Variants in DRAM1 observed in about 807,000 individuals in gnomAD.
The protein encoded by DRAM1 is DNA damage regulated autophagy modulator 1.
In DRAM1, 25 loss-of-function variants were observed where a neutral mutation model predicts 28.5. That is an observed-to-expected ratio of 0.88 (90% CI 0.64 to 1.23). DRAM1 has a LOEUF of 1.23. DRAM1 is among the 50% of genes most tolerant of loss of function. The pLI is 0.00. For missense variants in DRAM1, 249 were observed against 299.2 expected (o/e 0.83, Z 1.24); for synonymous variants, 113 against 114.2 (o/e 0.99, Z 0.07).
At chr12:101,907,988 C>T (rs373229431) in intron 3 of DRAM1, among the ~76,000 whole-genome samples, 198 bp from the exon 4 acceptor site, 3 of 152,090 alleles carry the variant, frequency 2.0e-5, no homozygotes, top group Admixed American at 6.5e-5. Context: ...AGCCCAGGTT[C>T]GCTGTGGAAC....
At chr12:101,896,638 A>C (rs1873384996) in intron 1 of DRAM1, among the ~76,000 whole-genome samples, 1 of 152,182 alleles carries the variant, frequency 6.6e-6, no homozygotes, top group African/African-American at 2.4e-5. Context: ...AGTATTTTCC[A>C]ACTCATTTAA....
chr12:101,902,983 C>T lies in DRAM1; in HGVS notation c.342+1550C>T, dbSNP rs185440591. 4.4e-4 allele frequency among the ~76,000 whole-genome samples: 66 copies of T among 151,640 alleles called. No homozygotes were observed. The South Asian group carries it at 6.0e-3, about 14-fold the overall frequency. On this transcript the variant is annotated intron_variant, in intron 3 of 6. Transcript: ENST00000258534. The stretch of plus-strand genomic sequence containing the variant: ...TCGCCCAGGCTAGAGTGTAGTGGCG[C>T]GATCTCGGTTCACTGCAACCTCCGC...
intron 1 of DRAM1, among the ~76,000 whole-genome samples, chr12:101,897,083 G>A (rs930525947): frequency 1.3e-5 from 2 of 151,870 alleles, no homozygotes; most frequent in African/African-American, 4.8e-5. Flanking sequence ...CACCGTGACC[G>A]GCCTCAGATT....
chr12:101,879,211 T>C (rs1872605602), intron 1 of DRAM1, among the ~76,000 whole-genome samples: 2 of 152,152 alleles, frequency 1.3e-5, no homozygotes, highest in African/African-American at 4.8e-5. Flanking sequence ...TTGGTCAGGC[T>C]GGTCTCAAAT....
Position 101,923,558 on chromosome 12 carries a change from G to T in DRAM1, c.*2298G>T, listed in dbSNP as rs1487861794. ...AGGATGTTTGTAGTGCTATAATATAGAATGGGATTTACTCTGCTTTACCAG... is the reference window on the plus strand; with the variant it reads ...AGGATGTTTGTAGTGCTATAATATATAATGGGATTTACTCTGCTTTACCAG... On this transcript the variant is annotated 3_prime_UTR_variant, in exon 7 of 7. Coordinates refer to ENST00000258534, the MANE Select transcript of DRAM1 (RefSeq NM_018370.3). 1 of 152,210 alleles carries T rather than the reference G, an allele frequency of 6.6e-6. No individual in the cohort carries two copies. The highest frequency in any genetic ancestry group is 1.5e-5 in the Non-Finnish European group (1 of 68,042). The allele number at this position is 152,210 out of a possible 1,614,324, so 9.4% of individuals were successfully genotyped here. A position where few individuals can be genotyped will look rare whatever the true frequency, so the allele number is the denominator to read the frequency against.
intron 1 of DRAM1, among the ~76,000 whole-genome samples, chr12:101,883,923 G>T (rs1872781064): frequency 1.4e-5 from 2 of 140,142 alleles, no homozygotes; most frequent in African/African-American, 3.0e-5. Flanking sequence ...GATAGAGCGA[G>T]ACTCTTTCTC....
At chr12:101,887,727 G>A (rs1030270146) in intron 1 of DRAM1, among the ~76,000 whole-genome samples, 5 of 151,646 alleles carry the variant, frequency 3.3e-5, no homozygotes, top group Non-Finnish European at 5.9e-5. Flanking sequence ...TAGTAGAGAC[G>A]GGGGTTTCAC....
intron 3 of DRAM1, among the ~76,000 whole-genome samples, chr12:101,902,587 C>T (rs994467667): frequency 6.6e-6 from 1 of 152,194 alleles, no homozygotes; most frequent in Non-Finnish European, 1.5e-5. Context: ...ACTTTATCCT[C>T]TGACTAACCA....
intron 1 of DRAM1, among the ~76,000 whole-genome samples, chr12:101,893,655 G>T (rs1173401544): frequency 2.0e-5 from 3 of 152,098 alleles, no homozygotes; most frequent in Admixed American, 1.3e-4. Context: ...GTAAAATGGG[G>T]TTGATATAGA....
intron 1 of DRAM1, among the ~76,000 whole-genome samples, chr12:101,893,884 C>G (rs1477193707): frequency 6.6e-6 from 1 of 150,958 alleles, no homozygotes; most frequent in South Asian, 2.1e-4. Context: ...ATCTTAGTCC[C>G]AAATATTCTG....
At chr12:101,915,119 A>G (rs929059975) in intron 5 of DRAM1, among the ~76,000 whole-genome samples, 11 of 151,940 alleles carry the variant, frequency 7.2e-5, no homozygotes, top group South Asian at 2.1e-4. Context: ...AGCTGGGACT[A>G]TAGGCGCCTG....
chr12:101,918,548 C>G (rs190518927), intron 5 of DRAM1, among the ~76,000 whole-genome samples: 2 of 152,168 alleles, frequency 1.3e-5, no homozygotes, highest in East Asian at 1.9e-4. Context: ...GAGTGACGCT[C>G]GGAGGGCTTG....
intron 3 of DRAM1, among the ~76,000 whole-genome samples, chr12:101,906,770 G>T (rs985359042): frequency 6.7e-6 from 1 of 149,132 alleles, no homozygotes; most frequent in African/African-American, 2.5e-5. Context: ...CATGAGAATC[G>T]CTTGAACCCG....
rs894926637 is a variant in DRAM1 at position 101,923,034 on chromosome 12, G to A, written c.*1774G>A. On this transcript the variant is annotated 3_prime_UTR_variant, in exon 7 of 7. Transcript: ENST00000258534. ...AATCACCTGAGCCCAGGAGGTGGAGGCTGCAGTGAGCCATGCCAATGCACT... is the reference window on the plus strand; with the variant it reads ...AATCACCTGAGCCCAGGAGGTGGAGACTGCAGTGAGCCATGCCAATGCACT... 6.6e-6 allele frequency: 1 copy of A among 152,212 alleles called. No homozygotes were observed. The highest frequency in any genetic ancestry group is 2.4e-5 in the African/African-American group (1 of 41,426). The allele number at this position is 152,212 out of a possible 1,614,324, so 9.4% of individuals were successfully genotyped here.
intron 3 of DRAM1, among the ~76,000 whole-genome samples, chr12:101,907,779 T>C (rs1427763491): frequency 1.3e-5 from 2 of 152,110 alleles, no homozygotes; most frequent in Admixed American, 1.3e-4. Flanking sequence ...GTATATGATA[T>C]GTATCCTATA....
chr12:101,906,453 A>G (rs1385532537), intron 3 of DRAM1, among the ~76,000 whole-genome samples: 1 of 152,204 alleles, frequency 6.6e-6, no homozygotes, highest in Non-Finnish European at 1.5e-5. Context: ...CTCCTGGACA[A>G]CACTTTAACT....
At position 101,877,598 on chromosome 12, in the gene DRAM1, C is replaced by G. The variant is rs932828950; in HGVS notation, c.-192C>G. 1 of 318,242 alleles carries G rather than the reference C, an allele frequency of 3.1e-6. No individual in the cohort carries two copies. Among genetic ancestry groups the G allele is most frequent in the South Asian group, 1.5e-4 (1 of 6,702 alleles). The allele number at this position is 318,242 out of a possible 1,614,324, so 19.7% of individuals were successfully genotyped here. Reference sequence around the variant, plus strand: ...CCCACCCACTCTGGCCCGGCAGCCTCGCCGCCCGCAGCCTCGCTCCGCTCC... The same window carrying G: ...CCCACCCACTCTGGCCCGGCAGCCTGGCCGCCCGCAGCCTCGCTCCGCTCC... On this transcript the variant is annotated 5_prime_UTR_variant, in exon 1 of 7. Transcript: ENST00000258534. The surrounding 1 kb of genome is among the most constrained non-coding windows in gnomAD (Gnocchi z 4.1).
chr12:101,911,659 T>C (rs1874044391), intron 4 of DRAM1, among the ~76,000 whole-genome samples: 1 of 152,204 alleles, frequency 6.6e-6, no homozygotes, highest in South Asian at 2.1e-4. Context: ...GAAATGTGGC[T>C]AGTCCAGATT....
intron 1 of DRAM1, among the ~76,000 whole-genome samples, chr12:101,890,876 G>A (rs1388266557): frequency 6.6e-6 from 1 of 151,360 alleles, no homozygotes; most frequent in Non-Finnish European, 1.5e-5. Context: ...TCAGCCTTCC[G>A]AGTAGCTGGG....
Sources: allele counts gnomAD v4.1 joint callset (sites outside exome capture counted in the v4.1 genomes callset), GRCh38; gene constraint gnomAD v4.1.1; non-coding constraint Gnocchi (gnomAD v3.1); transcripts MANE v1.5; gene names NCBI Gene and HGNC (gene_info 2026-07-23, HGNC 2026-07-21).